Variants in MKX observed in about 807,000 individuals in gnomAD.
MKX encodes mohawk homeobox.
A neutral mutation model predicts 36.0 loss-of-function variants in MKX; 13 were observed. The ratio of observed to expected loss-of-function variants is 0.36; its 90% CI spans 0.24 to 0.57. The LOEUF (loss-of-function observed/expected upper bound fraction) is 0.57, where lower values mean the gene tolerates loss of function less well. MKX is among the 20% of genes least tolerant of loss of function. The pLI, the probability that MKX is intolerant of heterozygous loss-of-function variation, is 0.79. For synonymous variants in MKX, 176 were observed against 178.3 expected, an observed-to-expected ratio of 0.99 and a Z score of 0.10; for missense variants, 458 against 456.4, an observed-to-expected ratio of 1.00 and a Z score of -0.03.
rs562037491 is a variant in MKX, at chr10:27,681,121, T to A, written c.839-5567A>T. On this transcript the variant is annotated intron_variant, in intron 5 of 6. Transcript: ENST00000419761. ...ATCGTAATGTGGTCATGCCACACAT[T>A]GCTCATGTATTTGTGGTGATGCTGG... 4.6e-5 allele frequency among the ~76,000 whole-genome samples: 7 copies of A among 152,328 alleles called. No individual in the cohort carries two copies. In the East Asian group the frequency reaches 9.6e-4, roughly 21 times the overall value.
rs1834703403 is a variant in MKX at position 27,734,490 on chromosome 10, T to C, written c.804A>G (p.Ser268=). Residue 268 remains serine, a synonymous_variant, in exon 5 of 7, where the codon TCA becomes TCG. Transcript: ENST00000419761. ...EFEEELVSPS[S]SETEGNFVYR... is the part of the protein sequence containing the mutation. Reference sequence around the variant, plus strand: ...AGACAAAGTTGCCTTCAGTTTCTGATGACGATGGAGACACTAATTCTTCCT... The same window carrying C: ...AGACAAAGTTGCCTTCAGTTTCTGACGACGATGGAGACACTAATTCTTCCT... The C allele has an allele frequency of 1.2e-6, 2 of 1,614,114 alleles. No homozygotes were observed. The highest frequency in any genetic ancestry group is 1.1e-5 in the South Asian group (1 of 91,090).
At position 27,735,261 on chromosome 10, in the gene MKX, A is replaced by C; in HGVS notation, c.462T>G (p.Ala154=). The C allele has an allele frequency of 3.1e-6, 5 of 1,612,188 alleles. No individual in the cohort carries two copies. The highest frequency in any genetic ancestry group is 4.2e-6 in the Non-Finnish European group (5 of 1,179,268). ...KLYNKYVQGN[A]ERLSVSSDDS... is the part of the protein sequence containing the mutation. ...CATCACTGCTTACGCTAAGCCGTTC[A>C]GCATTGCCTTGAACATACTTGTTGT... is the stretch of plus-strand genomic sequence containing the variant. Residue 154 remains alanine, a synonymous_variant, in exon 4 of 7, where the codon GCT becomes GCG. Coordinates refer to ENST00000419761, the MANE Select transcript of MKX (RefSeq NM_173576.3).
At chr10:27,738,931 T>C (rs941939301) in intron 3 of MKX, among the ~76,000 whole-genome samples, 1 of 152,054 alleles carries the variant, frequency 6.6e-6, no homozygotes, top group East Asian at 1.9e-4. Flanking sequence ...TATTTAACGT[T>C]ACTATAAGCC....
Position 27,675,526 on chromosome 10 carries a change from A to G in MKX, c.867T>C (p.Gly289=), listed in dbSNP as rs1421522948. 1.1e-5 allele frequency: 17 copies of G among 1,613,968 alleles called. No individual in the cohort carries two copies. Among genetic ancestry groups the G allele is most frequent in the Non-Finnish European group, 1.4e-5 (16 of 1,179,974 alleles). ...TDTLENGSNK[G]ESAANRKGPS... ...AATGGGAACATTTTGCTCACCTTTC[A>G]CCCTTATTGGATCCGTTTTCCAGAG... Residue 289 remains glycine, a synonymous_variant, in exon 6 of 7, where the codon GGT becomes GGC. Coordinates refer to ENST00000419761, the MANE Select transcript of MKX (RefSeq NM_173576.3).
In MKX at chr10:27,685,209, G is replaced by C. The variant is rs376253074; in HGVS notation, c.839-9655C>G. Among the ~76,000 whole-genome samples the C allele has an allele frequency of 1.5e-3, 213 of 142,028 alleles. 9 individuals carry two copies. In the South Asian group the frequency reaches 0.049, roughly 33 times the overall value. 93.2% of individuals were successfully genotyped at this position (142,028 alleles called of 152,430 possible). A position where few individuals can be genotyped will look rare whatever the true frequency, so the allele number is the denominator to read the frequency against. ...CTCTGTCAATAAAGCCACCTGCAAA[G>C]ACCATGGCAAGGCTTAATGCATTGT... On this transcript the variant is annotated intron_variant, in intron 5 of 6. Coordinates refer to ENST00000419761, the MANE Select transcript of MKX (RefSeq NM_173576.3).
At chr10:27,687,935 T>C (rs1287138091) in intron 5 of MKX, among the ~76,000 whole-genome samples, 1 of 152,184 alleles carries the variant, frequency 6.6e-6, no homozygotes, top group Admixed American at 6.5e-5. Context: ...TTAGAGGCCG[T>C]GTAGTGTAAT....
At chr10:27,704,097 T>A (rs1053889526) in intron 5 of MKX, among the ~76,000 whole-genome samples, 8 of 152,144 alleles carry the variant, frequency 5.3e-5, no homozygotes, top group African/African-American at 1.7e-4. Flanking sequence ...AGGACCTGCT[T>A]ATAACAATAA....
intron 5 of MKX, among the ~76,000 whole-genome samples, chr10:27,733,075 CTTTTA>C (rs1176758739): frequency 6.6e-6 from 1 of 152,040 alleles, no homozygotes; most frequent in Admixed American, 6.6e-5. Context: ...GCCAAATTTT[CTTTTA>C]TTTTTTCTTC....
At chr10:27,732,928 T>G (rs960248876) in intron 5 of MKX, among the ~76,000 whole-genome samples, 1 of 152,026 alleles carries the variant, frequency 6.6e-6, no homozygotes, top group African/African-American at 2.4e-5. Flanking sequence ...AAAAAAAAAT[T>G]TGTAGCAATG....
intron 5 of MKX, among the ~76,000 whole-genome samples, chr10:27,722,577 C>T (rs1282156646): frequency 6.6e-6 from 1 of 152,206 alleles, no homozygotes; most frequent in African/African-American, 2.4e-5. Flanking sequence ...ATACACAGAG[C>T]TGCTGATTTC....
rs1161500749 is a variant in MKX at position 27,741,583 on chromosome 10, G to C, written c.189-79C>G. 3.4e-6 allele frequency: 5 copies of C among 1,464,038 alleles called. No individual in the cohort carries two copies. Among genetic ancestry groups the C allele is most frequent in the East Asian group, 2.4e-5 (1 of 41,728 alleles). 90.7% of individuals were successfully genotyped at this position (1,464,038 alleles called of 1,614,324 possible). A position where few individuals can be genotyped will look rare whatever the true frequency, so the allele number is the denominator to read the frequency against. ...GACGCTCCACGCCCCGGCCAAGCCC[G>C]GGCCCCGCATCCAAACTGCGCATTC... is the stretch of plus-strand genomic sequence containing the variant. On this transcript the variant is annotated intron_variant, in intron 2 of 6. Coordinates refer to ENST00000419761, the MANE Select transcript of MKX (RefSeq NM_173576.3). The surrounding 1 kb of genome is among the most constrained non-coding windows in gnomAD (Gnocchi z 5.1).
At chr10:27,696,351 A>G (rs1836554688) in intron 5 of MKX, among the ~76,000 whole-genome samples, 1 of 152,216 alleles carries the variant, frequency 6.6e-6, no homozygotes. Flanking sequence ...ATAACATTCA[A>G]TGAGCTGCAG....
intron 5 of MKX, among the ~76,000 whole-genome samples, chr10:27,724,797 C>T (rs1834454419): frequency 1.4e-5 from 2 of 144,190 alleles, no homozygotes; most frequent in Non-Finnish European, 3.0e-5. Context: ...ACACACCCCG[C>T]AGAAACCTTT....
chr10:27,735,485 T>A (rs1834740052), intron 3 of MKX, 111 bp from the exon 4 acceptor site: 1 of 785,950 alleles, frequency 1.3e-6, no homozygotes, highest in Admixed American at 3.2e-5. Flanking sequence ...CATTAAATAT[T>A]CTCAGGACAT....
chr10:27,702,730 A>T (rs1183692340), intron 5 of MKX, among the ~76,000 whole-genome samples: 2 of 152,074 alleles, frequency 1.3e-5, no homozygotes, highest in African/African-American at 4.8e-5. Context: ...TTTGCAGAAG[A>T]CTTACAGCTG....
At chr10:27,680,682 T>G (rs1158324466) in intron 5 of MKX, among the ~76,000 whole-genome samples, 1 of 152,152 alleles carries the variant, frequency 6.6e-6, no homozygotes, top group Non-Finnish European at 1.5e-5. Context: ...TTTAAAAAAT[T>G]TAATAAATAA....
At position 27,682,706 on chromosome 10, in the gene MKX, C is replaced by T. The variant is rs996176248; in HGVS notation, c.839-7152G>A. Among the ~76,000 whole-genome samples the T allele has an allele frequency of 3.3e-5, 5 of 152,098 alleles. No individual in the cohort carries two copies. In the South Asian group the frequency reaches 8.3e-4, roughly 25 times the overall value. On this transcript the variant is annotated intron_variant, in intron 5 of 6. Transcript: ENST00000419761. ...CAAAAGAAGCGCACAACTGACCAGG[C>T]GCAGTGGCTCGTGCTTATAATCACA...
chr10:27,709,480 G>A (rs993967488), intron 5 of MKX, among the ~76,000 whole-genome samples: 1 of 152,192 alleles, frequency 6.6e-6, no homozygotes, highest in African/African-American at 2.4e-5. Context: ...CTGTAGGGTA[G>A]TCAACATTTA....
intron 5 of MKX, among the ~76,000 whole-genome samples, chr10:27,700,257 G>C (rs768836261): frequency 6.6e-6 from 1 of 152,132 alleles, no homozygotes; most frequent in Non-Finnish European, 1.5e-5. Flanking sequence ...GCAGTTTCAG[G>C]CAACATTTAT....
Sources: gnomAD v4.1 joint callset for allele counts (sites outside exome capture counted in the v4.1 genomes callset) on GRCh38, gnomAD v4.1.1 for gene constraint, Gnocchi (gnomAD v3.1) non-coding constraint, MANE v1.5 for transcripts, NCBI Gene and HGNC (gene_info 2026-07-23, HGNC 2026-07-21) for gene names.